The following BST1 variants were observed in gnomAD, a reference collection of about 807,000 sequenced individuals.
BST1 encodes the protein ADP-ribosyl cyclase/cyclic ADP-ribose hydrolase 2.
A neutral mutation model predicts 40.6 loss-of-function variants in BST1; 49 were observed. The ratio of observed to expected loss-of-function variants is 1.21; its 90% CI spans 0.96 to 1.53. BST1 has a LOEUF of 1.53. Among genes scored for constraint, BST1 ranks in the 40% most tolerant of loss-of-function variants. The probability of loss-of-function intolerance (pLI) is 0.00; values close to 1 mark genes in which losing one functional copy is unlikely to be tolerated. For missense variants in BST1, 423 were observed against 395.9 expected (o/e 1.07, Z -0.58); for synonymous variants, 157 against 159.3 (o/e 0.99, Z 0.11).
chr4:15,721,180 G>A (rs941805743), intron 7 of BST1, among the ~76,000 whole-genome samples: 2 of 152,072 alleles, frequency 1.3e-5, no homozygotes, highest in African/African-American at 4.8e-5. Context: ...AAGTGATGAG[G>A]GTTAACATAA....
chr4:15,754,662 G>A, the BST1 span, among the ~76,000 whole-genome samples: 1 of 152,236 alleles, frequency 6.6e-6, no homozygotes, highest in East Asian at 1.9e-4. Flanking sequence ...TGGAAAAAAC[G>A]GGCTCTTTCC....
intron 4 of BST1, among the ~76,000 whole-genome samples, chr4:15,714,198 A>C (rs1720383743): frequency 6.6e-6 from 1 of 152,230 alleles, no homozygotes; most frequent in Non-Finnish European, 1.5e-5. Context: ...ATTTGGAAGC[A>C]ATCTATGACA....
At chr4:15,713,204 ATCTT>A (rs1720312039) in intron 4 of BST1, among the ~76,000 whole-genome samples, 1 of 123,320 alleles carries the variant, frequency 8.1e-6, no homozygotes, top group East Asian at 2.7e-4. Flanking sequence ...AAATATTTTC[ATCTT>A]TTTTTTTTTT....
At chr4:15,734,975 G>C (rs1343766639), downstream of BST1, among the ~76,000 whole-genome samples, 1 of 152,174 alleles carries the variant, frequency 6.6e-6, no homozygotes, top group Non-Finnish European at 1.5e-5. Flanking sequence ...TGTTCATTTG[G>C]TGTAGACACT....
intron 2 of BST1, among the ~76,000 whole-genome samples, chr4:15,706,082 G>C (rs1577565811): frequency 6.6e-6 from 1 of 152,112 alleles, no homozygotes. Context: ...GAGAACAGCA[G>C]CAAAGGGGGA....
chr4:15,743,289 A>T, downstream of BST1: 1 of 300,214 alleles, frequency 3.3e-6, no homozygotes, highest in East Asian at 1.1e-4. Context: ...GCTTACAGAC[A>T]TACCGACCAA....
intron 8 of BST1, among the ~76,000 whole-genome samples, chr4:15,727,651 T>C (rs1003797069): frequency 6.6e-6 from 1 of 152,214 alleles, no homozygotes; most frequent in Non-Finnish European, 1.5e-5. Context: ...TTGATGTCAC[T>C]GTAAATTGAT....
intron 8 of BST1, 100 bp from the exon 9 acceptor site, chr4:15,731,640 C>G: frequency 6.9e-7 from 1 of 1,446,962 alleles, no homozygotes; most frequent in Non-Finnish European, 9.5e-7. Context: ...CTTCTCGCTC[C>G]GCGCTAACCA....
At chr4:15,772,616 G>A in the BST1 span, among the ~76,000 whole-genome samples, 1 of 152,224 alleles carries the variant, frequency 6.6e-6, no homozygotes, top group Non-Finnish European at 1.5e-5. Flanking sequence ...GAGCCTCTGA[G>A]ATGGGTATTG....
the BST1 span, among the ~76,000 whole-genome samples, chr4:15,746,520 A>C: frequency 6.6e-6 from 1 of 152,236 alleles, no homozygotes; most frequent in Non-Finnish European, 1.5e-5. Flanking sequence ...CAGGGAGAGA[A>C]GTGTGCCAAA....
chr4:15,767,919 C>G, the BST1 span, among the ~76,000 whole-genome samples: 4 of 152,162 alleles, frequency 2.6e-5, no homozygotes, highest in African/African-American at 9.7e-5. Context: ...CCATGCTCAG[C>G]CCCCTTGTAG....
At chr4:15,731,562 C>A in intron 8 of BST1, 178 bp from the exon 9 acceptor site, 1 of 1,045,626 alleles carries the variant, frequency 9.6e-7, no homozygotes, top group East Asian at 2.6e-5. Context: ...GGTGCTTGCG[C>A]TGGTTTCGGT....
the BST1 span, among the ~76,000 whole-genome samples, chr4:15,773,081 A>G: frequency 6.6e-6 from 1 of 152,234 alleles, no homozygotes; most frequent in Non-Finnish European, 1.5e-5. Flanking sequence ...GAAGGCGGAA[A>G]GAGTGGAATT....
At chr4:15,769,994 T>C in the BST1 span, among the ~76,000 whole-genome samples, 15 of 152,166 alleles carry the variant, frequency 9.9e-5, no homozygotes, top group Non-Finnish European at 2.2e-4. Context: ...TGTGTGCCAC[T>C]GCGCCTGGCT....
chr4:15,736,724 C>T (rs546878368), downstream of BST1, among the ~76,000 whole-genome samples: 3 of 152,306 alleles, frequency 2.0e-5, no homozygotes, highest in Admixed American at 6.5e-5. Flanking sequence ...CTCTCAGTTC[C>T]GTATTCTCAA....
At chr4:15,733,817 C>T (rs4342183), downstream of BST1, among the ~76,000 whole-genome samples, 13,248 of 152,188 alleles carry the variant, frequency 0.087, 1,218 homozygotes, top group East Asian at 0.52. Context: ...ACCCCACCTT[C>T]AACACTGGGG....
At chr4:15,740,637 T>A (rs575413531), downstream of BST1, among the ~76,000 whole-genome samples, 2 of 152,310 alleles carry the variant, frequency 1.3e-5, no homozygotes, top group East Asian at 3.9e-4. Flanking sequence ...TTGCACCTTA[T>A]TTAACAAATT....
At chr4:15,705,436 C>T (rs1175302194) in intron 1 of BST1, 79 bp from the exon 2 acceptor site, 1 of 1,458,388 alleles carries the variant, frequency 6.9e-7, no homozygotes, top group Non-Finnish European at 9.2e-7. Context: ...TCTTGTAAAG[C>T]TCTTAGACAA....
chr4:15,707,855 C>CTATATATATA (rs1553863514), intron 3 of BST1, among the ~76,000 whole-genome samples: 3 of 128,630 alleles, frequency 2.3e-5, no homozygotes. Flanking sequence ...CTCTCTCTCT[C>CTATATATATA]TATATATATA....
Sources: gnomAD v4.1 joint callset for allele counts (sites outside exome capture counted in the v4.1 genomes callset) on GRCh38, gnomAD v4.1.1 for gene constraint, MANE v1.5 for transcripts, NCBI Gene and HGNC (gene_info 2026-07-23, HGNC 2026-07-21) for gene names.